Variants in PCDHA4 observed in about 807,000 individuals in gnomAD.
PCDHA4 encodes the protein protocadherin alpha-4.
In PCDHA4, 49 loss-of-function variants were observed where a neutral mutation model predicts 61.4. The observed-to-expected ratio is 0.80, with a 90% CI of 0.63 to 1.01. The LOEUF (loss-of-function observed/expected upper bound fraction) is 1.01. Ranked by LOEUF, PCDHA4 falls within the 50% of genes least tolerant of loss-of-function variation. The pLI is 0.00. For missense variants in PCDHA4, 1,254 were observed against 1,235.8 expected (o/e 1.01, Z -0.22); for synonymous variants, 590 against 550.3 (o/e 1.07, Z -1.01).
intron 1 of PCDHA4, among the ~76,000 whole-genome samples, chr5:140,826,973 A>G (rs1483658435): frequency 1.3e-5 from 2 of 152,200 alleles, no homozygotes; most frequent in South Asian, 2.1e-4. Context: ...GGAGTAATTT[A>G]AAAAGTAATA....
chr5:141,004,092 C>T (rs1245515449), intron 3 of PCDHA4, among the ~76,000 whole-genome samples: 1 of 152,198 alleles, frequency 6.6e-6, no homozygotes, highest in Non-Finnish European at 1.5e-5. Context: ...TGTGCTTCTT[C>T]CGTTTTCATC....
At chr5:140,841,430 G>A in intron 1 of PCDHA4, 1 of 1,612,964 alleles carries the variant, frequency 6.2e-7, no homozygotes, top group Non-Finnish European at 8.5e-7. Flanking sequence ...CTCCGTCCCC[G>A]AGGAGGCCAA....
intron 1 of PCDHA4, among the ~76,000 whole-genome samples, chr5:140,873,067 TATC>T (rs2054071448): frequency 1.3e-5 from 2 of 152,218 alleles, no homozygotes; most frequent in Admixed American, 1.3e-4. Flanking sequence ...TTGAGAATCA[TATC>T]TAGCTATTTC....
At chr5:140,918,226 T>C (rs528915665) in intron 1 of PCDHA4, among the ~76,000 whole-genome samples, 1 of 152,342 alleles carries the variant, frequency 6.6e-6, no homozygotes, top group African/African-American at 2.4e-5. Context: ...ATGCTGATTT[T>C]TGTACATTGA....
intron 1 of PCDHA4, chr5:140,868,770 T>C (rs936187064): frequency 1.9e-5 from 5 of 257,030 alleles, no homozygotes; most frequent in Non-Finnish European, 3.7e-5. Flanking sequence ...TTAGTTTCAA[T>C]ATGACTTATA....
intron 1 of PCDHA4, chr5:140,823,947 G>A: frequency 6.2e-7 from 1 of 1,613,980 alleles, no homozygotes; most frequent in South Asian, 1.1e-5. Flanking sequence ...GGTGCTCGGC[G>A]CAGCCCACCG....
chr5:140,857,552 T>G lies in PCDHA4; in HGVS notation c.2385+47980T>G, dbSNP rs782203645. 82 of 1,596,700 alleles carry G rather than the reference T, an allele frequency of 5.1e-5. 3 individuals carry two copies. The Middle Eastern group carries it at 9.6e-4, about 19-fold the overall frequency. ...GGTGGAGCGGCGGTTGGGCGAGCGC[T>G]CGCTGTCGAGCTACGTGTCGGTGCA... On this transcript the variant is annotated intron_variant, in intron 1 of 3. Transcript: ENST00000530339.
rs150805116 is a variant in PCDHA4, at chr5:140,977,093, T to C, written c.2386-1856T>C. On this transcript the variant is annotated intron_variant, in intron 1 of 3. Coordinates refer to ENST00000530339, the MANE Select transcript of PCDHA4 (RefSeq NM_018907.4). ...GCAGCATGACAAATTAAATGTGTCA[T>C]TGGGGAAGTGAGATTGTATAATGAA... 6.6e-5 allele frequency among the ~76,000 whole-genome samples: 10 copies of C among 152,320 alleles called. No homozygotes were observed. The East Asian group carries it at 1.7e-3, about 26-fold the overall frequency.
chr5:140,862,898 CTG>C, intron 1 of PCDHA4: 2 of 555,934 alleles, frequency 3.6e-6, no homozygotes, highest in Non-Finnish European at 3.5e-6. Context: ...ACAACTTTGT[CTG>C]CGCTGCTGGC....
At chr5:140,939,011 CT>C (rs1302482579) in intron 1 of PCDHA4, among the ~76,000 whole-genome samples, 3 of 152,262 alleles carry the variant, frequency 2.0e-5, no homozygotes, top group South Asian at 2.1e-4. Flanking sequence ...AGAAGTGTTA[CT>C]TTTCTTTTAC....
chr5:140,851,317 G>C, intron 1 of PCDHA4: 1 of 992,602 alleles, frequency 1.0e-6, no homozygotes, highest in Non-Finnish European at 1.2e-6. Flanking sequence ...TTGTTACCTT[G>C]TTAAGTTTGT....
At chr5:140,860,376 A>G (rs1301503949) in intron 1 of PCDHA4, 1 of 152,078 alleles carries the variant, frequency 6.6e-6, no homozygotes, top group Non-Finnish European at 1.5e-5. Context: ...GTGAGACCCT[A>G]TTTCAAAAAT....
chr5:140,819,423 C>T (rs1376171246), intron 1 of PCDHA4, among the ~76,000 whole-genome samples: 2 of 152,120 alleles, frequency 1.3e-5, no homozygotes, highest in Non-Finnish European at 2.9e-5. Context: ...TAATATACTA[C>T]ACAGTTTTAA....
Position 140,912,620 on chromosome 5 carries a change from G to A in PCDHA4, c.2386-66329G>A, listed in dbSNP as rs149952916. Among the ~76,000 whole-genome samples the A allele has an allele frequency of 2.6e-3, 391 of 152,154 alleles. 2 individuals carry two copies. The highest frequency in any genetic ancestry group is 9.2e-3 in the African/African-American group (380 of 41,510). ...TTTCTTCCTCTTGTCTGATTACTCT[G>A]GATGAGACTTTCAGTACTATGTTGA... On this transcript the variant is annotated intron_variant, in intron 1 of 3. Coordinates refer to ENST00000530339, the MANE Select transcript of PCDHA4 (RefSeq NM_018907.4).
chr5:140,823,472 T>C lies in PCDHA4; in HGVS notation c.2385+13900T>C, dbSNP rs2150126128. 4.3e-6 allele frequency: 7 copies of C among 1,613,286 alleles called. No individual in the cohort carries two copies. The African/African-American group carries it at 5.3e-5, about 12-fold the overall frequency. On this transcript the variant is annotated intron_variant, in intron 1 of 3. Coordinates refer to ENST00000530339, the MANE Select transcript of PCDHA4 (RefSeq NM_018907.4). ...AACGACAACGCGCCGGCGCTGCTGG[T>C]GCCTCGAGTGGGTGGCACCGGCGGC...
rs552891884 is a variant in PCDHA4 at position 140,857,764 on chromosome 5, G to A, written c.2385+48192G>A. The A allele has an allele frequency of 3.8e-6, 6 of 1,597,520 alleles. 2 individuals carry two copies. In the African/African-American group the frequency reaches 5.4e-5, roughly 14 times the overall value. On this transcript the variant is annotated intron_variant, in intron 1 of 3. Coordinates refer to ENST00000530339, the MANE Select transcript of PCDHA4 (RefSeq NM_018907.4). ...TGCTGGCGTCTCCCGCTGGCAGCGC[G>A]GGCGGTGCAGTCAGTGAGCTGGTGC...
intron 1 of PCDHA4, among the ~76,000 whole-genome samples, chr5:140,920,730 G>A (rs902169780): frequency 6.6e-6 from 1 of 152,058 alleles, no homozygotes; most frequent in Non-Finnish European, 1.5e-5. Context: ...TGCAGTCCCA[G>A]CTACTCAGGA....
chr5:140,898,764 T>A (rs2066960471), intron 1 of PCDHA4, among the ~76,000 whole-genome samples: 1 of 152,192 alleles, frequency 6.6e-6, no homozygotes, highest in Non-Finnish European at 1.5e-5. Context: ...GCATTGAATC[T>A]GTAAATTACC....
At chr5:140,928,475 G>A (rs369473809) in intron 1 of PCDHA4, 1 of 1,614,136 alleles carries the variant, frequency 6.2e-7, no homozygotes, top group African/African-American at 1.3e-5. Context: ...GTAGAAGGCC[G>A]GGATGGTGGC....
Sources: allele counts gnomAD v4.1 joint callset (sites outside exome capture counted in the v4.1 genomes callset), GRCh38; gene constraint gnomAD v4.1.1; transcripts MANE v1.5; gene names NCBI Gene and HGNC (gene_info 2026-07-23, HGNC 2026-07-21).